The following SLC9C2 variants were observed in gnomAD, a reference collection of about 807,000 sequenced individuals.
SLC9C2 encodes solute carrier family 9 member C2 (putative).
A neutral mutation model predicts 140.2 loss-of-function variants in SLC9C2; 75 were observed. The ratio of observed to expected loss-of-function variants is 0.53; its 90% CI spans 0.44 to 0.65. The LOEUF (loss-of-function observed/expected upper bound fraction) is 0.65. SLC9C2 is among the 30% of genes least tolerant of loss of function. The pLI is 0.00. For missense variants in SLC9C2, 1,074 were observed against 1,331.8 expected (o/e 0.81, Z 3.01); for synonymous variants, 375 against 420.9 (o/e 0.89, Z 1.34).
chr1:173,600,985 C>T (rs1197785350), intron 2 of SLC9C2, among the ~76,000 whole-genome samples: 1 of 152,158 alleles, frequency 6.6e-6, no homozygotes, highest in East Asian at 1.9e-4. Flanking sequence ...TGGACTAAAG[C>T]ATCTGTGTGT....
chr1:173,513,585 ATTT>A (rs200060557), intron 23 of SLC9C2, among the ~76,000 whole-genome samples: 1 of 150,952 alleles, frequency 6.6e-6, no homozygotes, highest in Non-Finnish European at 1.5e-5. Context: ...TATTTTGTTA[ATTT>A]TTTCAAAAAA....
intron 9 of SLC9C2, among the ~76,000 whole-genome samples, chr1:173,561,033 T>C (rs1395090238): frequency 6.6e-6 from 1 of 152,176 alleles, no homozygotes; most frequent in Non-Finnish European, 1.5e-5. Context: ...TGACCTCACA[T>C]GATCCACCTG....
chr1:173,548,271 C>G, intron 12 of SLC9C2, 118 bp downstream of exon 12: 1 of 1,000,710 alleles, frequency 1.0e-6, no homozygotes, highest in Non-Finnish European at 1.5e-6. Context: ...CAGTAACTAT[C>G]TCCCCTCAGT....
At chr1:173,506,088 T>C (rs899201293) in intron 25 of SLC9C2, among the ~76,000 whole-genome samples, 1 of 152,242 alleles carries the variant, frequency 6.6e-6, no homozygotes, top group Non-Finnish European at 1.5e-5. Flanking sequence ...ATCATCTGAA[T>C]TGATGAAAGG....
intron 5 of SLC9C2, among the ~76,000 whole-genome samples, chr1:173,585,268 G>C (rs1289340934): frequency 6.6e-6 from 1 of 152,024 alleles, no homozygotes; most frequent in African/African-American, 2.4e-5. Flanking sequence ...GATTTAGGTT[G>C]TACAGGTTTA....
intron 23 of SLC9C2, among the ~76,000 whole-genome samples, chr1:173,516,785 T>C (rs563062435): frequency 6.6e-6 from 1 of 152,364 alleles, no homozygotes; most frequent in East Asian, 1.9e-4. Context: ...TACATGTGCA[T>C]GTGTCTTTAT....
chr1:173,539,952 C>T (rs1261281435), intron 13 of SLC9C2, among the ~76,000 whole-genome samples: 1 of 152,212 alleles, frequency 6.6e-6, no homozygotes, highest in Non-Finnish European at 1.5e-5. Context: ...ATTGGCATCG[C>T]TGTTTCCCCA....
intron 9 of SLC9C2, among the ~76,000 whole-genome samples, chr1:173,559,540 A>T (rs577059134): frequency 7.9e-5 from 12 of 152,188 alleles, no homozygotes; most frequent in Non-Finnish European, 1.5e-4. Context: ...CCAGCACTGC[A>T]GATCCCTTGA....
At chr1:173,509,530 A>G in intron 24 of SLC9C2, 38 bp downstream of exon 24, 1 of 1,461,212 alleles carries the variant, frequency 6.8e-7, no homozygotes, top group Non-Finnish European at 9.1e-7. Flanking sequence ...ACAATGCATA[A>G]AAATTCAATT....
intron 8 of SLC9C2, among the ~76,000 whole-genome samples, chr1:173,574,712 A>G (rs926557600): frequency 1.0e-4 from 15 of 143,038 alleles, no homozygotes; most frequent in East Asian, 2.9e-4. Context: ...GGGTTTCACC[A>G]TGTTAGCCAG....
At chr1:173,536,220 C>T (rs1308312947) in intron 14 of SLC9C2, among the ~76,000 whole-genome samples, 2 of 152,112 alleles carry the variant, frequency 1.3e-5, no homozygotes, top group Non-Finnish European at 2.9e-5. Context: ...TCAAGCTTTC[C>T]TTTGTCATGC....
intron 13 of SLC9C2, among the ~76,000 whole-genome samples, chr1:173,538,756 C>T (rs1157625573): frequency 6.6e-6 from 1 of 151,970 alleles, no homozygotes; most frequent in Non-Finnish European, 1.5e-5. Flanking sequence ...CTCTAGTGCA[C>T]GTACAGAGGT....
At chr1:173,566,883 A>G (rs1282329531) in intron 9 of SLC9C2, among the ~76,000 whole-genome samples, 2 of 150,714 alleles carry the variant, frequency 1.3e-5, no homozygotes, top group African/African-American at 4.9e-5. Context: ...TTGTGTTTCT[A>G]TTATCATATG....
At chr1:173,539,918 C>T (rs1287971549) in intron 13 of SLC9C2, among the ~76,000 whole-genome samples, 2 of 152,164 alleles carry the variant, frequency 1.3e-5, no homozygotes, top group Non-Finnish European at 2.9e-5. Context: ...TGTCATGCCT[C>T]TCTGTGTCCA....
chr1:173,534,634 T>C lies in SLC9C2; in HGVS notation c.1824A>G (p.Glu608=). 6.4e-7 allele frequency: 1 copy of C among 1,552,712 alleles called. No homozygotes were observed. ...TTATAATCTGTCCTGTATATTCAAA[T>C]TCTTCAGAAAATACTATGTGAAATA... The part of the protein sequence containing the change: ...TFIFHIVFSE[E]FEYTGQIINL... Residue 608 remains glutamate, a synonymous_variant, in exon 16 of 28, where the codon GAA becomes GAG. Coordinates refer to ENST00000367714, the MANE Select transcript of SLC9C2 (RefSeq NM_178527.4).
chr1:173,582,126 CT>C, intron 6 of SLC9C2, 118 bp from the exon 7 acceptor site: 1 of 706,240 alleles, frequency 1.4e-6, no homozygotes, highest in Non-Finnish European at 2.2e-6. Flanking sequence ...GAGTGGACAC[CT>C]TATTTGTCAG....
chr1:173,516,385 T>A (rs1480494470), intron 23 of SLC9C2, among the ~76,000 whole-genome samples: 1 of 152,146 alleles, frequency 6.6e-6, no homozygotes, highest in Non-Finnish European at 1.5e-5. Flanking sequence ...GTCATGAGGG[T>A]TTGTTGTACA....
intron 13 of SLC9C2, 67 bp downstream of exon 13, chr1:173,547,622 A>C (rs1319061552): frequency 2.5e-6 from 3 of 1,198,740 alleles, no homozygotes; most frequent in Non-Finnish European, 3.6e-6. Flanking sequence ...TCATCTGAAA[A>C]TCATATGCAA....
intron 7 of SLC9C2, among the ~76,000 whole-genome samples, chr1:173,580,810 T>C (rs1189714393): frequency 6.6e-6 from 1 of 152,156 alleles, no homozygotes; most frequent in Non-Finnish European, 1.5e-5. Context: ...TCAACCAACA[T>C]GTGTTAAATT....
Sources: gnomAD v4.1 joint callset for allele counts (sites outside exome capture counted in the v4.1 genomes callset) on GRCh38, gnomAD v4.1.1 for gene constraint, MANE v1.5 for transcripts, NCBI Gene and HGNC (gene_info 2026-07-23, HGNC 2026-07-21) for gene names.